CIITA: variants seen among roughly 807,000 people sequenced by gnomAD.
CIITA encodes class II major histocompatibility complex transactivator.
Under a neutral mutation model 115.1 loss-of-function variants are expected in CIITA, and 72 were observed. That is an observed-to-expected ratio of 0.63 (90% CI 0.52 to 0.76). CIITA has a LOEUF of 0.76. Among genes scored for constraint, CIITA ranks in the 30% least tolerant of loss-of-function variants. The pLI is 0.00. For synonymous variants in CIITA, 763 were observed against 635.6 expected, an observed-to-expected ratio of 1.20 and a Z score of -3.02; for missense variants, 1,617 against 1,463.8, an observed-to-expected ratio of 1.10 and a Z score of -1.71.
chr16:10,909,362 G>C (rs942728946), intron 12 of CIITA, among the ~76,000 whole-genome samples, 175 bp downstream of exon 12: 1 of 152,246 alleles, frequency 6.6e-6, no homozygotes, highest in East Asian at 1.9e-4. Context: ...TGCCCAGGCG[G>C]AGCCTCTAGA....
At chr16:10,904,454 C>G (rs1316792364) in intron 9 of CIITA, among the ~76,000 whole-genome samples, 4 of 152,180 alleles carry the variant, frequency 2.6e-5, no homozygotes, top group Non-Finnish European at 5.9e-5. Context: ...CTCCTGATCT[C>G]AAGTGATCCA....
Position 10,886,230 on chromosome 16 carries a change from G to A in CIITA, c.52+8848G>A, listed in dbSNP as rs145695181. 9.2e-5 allele frequency among the ~76,000 whole-genome samples: 14 copies of A among 152,118 alleles called. No individual in the cohort carries two copies. In the East Asian group the frequency reaches 2.3e-3, roughly 25 times the overall value. ...TGGAATTACAGGTGCGAGTCACCAC[G>A]CCTGGCCACAGTTTCTTACTTTTGC... On this transcript the variant is annotated intron_variant, in intron 1 of 19. Transcript: ENST00000324288.
At position 10,929,401 on chromosome 16, in the gene CIITA, C is replaced by T. The variant is rs912401191; in HGVS notation, c.*5546C>T. On this transcript the variant is annotated 3_prime_UTR_variant, in exon 20 of 20. Coordinates refer to ENST00000324288, the MANE Select transcript of CIITA (RefSeq NM_000246.4). The surrounding 1 kb of genome is among the most constrained non-coding windows in gnomAD (Gnocchi z 4.3). Reference sequence around the variant, plus strand: ...AGCCAAGGCCAGGCCATCGATTTGACACTGCAGGCAGATGAGGTCTTGGGA... The same window carrying T: ...AGCCAAGGCCAGGCCATCGATTTGATACTGCAGGCAGATGAGGTCTTGGGA... 1.5e-5 allele frequency: 15 copies of T among 985,908 alleles called. No homozygotes were observed. The highest frequency in any genetic ancestry group is 1.8e-5 in the Non-Finnish European group (15 of 829,956). 61.1% of individuals were successfully genotyped at this position (985,908 alleles called of 1,614,324 possible).
intron 1 of CIITA, among the ~76,000 whole-genome samples, chr16:10,893,874 T>C (rs1317863231): frequency 1.4e-5 from 2 of 146,496 alleles, no homozygotes; most frequent in African/African-American, 2.5e-5. Flanking sequence ...CAGAGAGTTG[T>C]GTGACCATCT....
chr16:10,916,643 C>T (rs562675273), intron 15 of CIITA, 184 bp downstream of exon 15: 6 of 638,826 alleles, frequency 9.4e-6, no homozygotes, highest in Middle Eastern at 4.1e-4. Context: ...TCCTCACCTC[C>T]GCTTCCCAAA....
In CIITA at chr16:10,906,972, G is replaced by A. The variant is rs150888938; in HGVS notation, c.1480G>A (p.Val494Ile). The A allele has an allele frequency of 1.2e-5, 20 of 1,612,214 alleles. No homozygotes were observed. The highest frequency in any genetic ancestry group is 1.2e-4 in the African/African-American group (9 of 74,908). ...CCACATCTTGAAGAGACCTGACCGC[G>A]TTCTGCTCATCCTAGACGGCTTCGA... ...FSHILKRPDR[V>I]LLILDGFEEL... Residue 494 changes from valine to isoleucine, a missense_variant, in exon 11 of 20, where the codon GTT becomes ATT. Coordinates refer to ENST00000324288, the MANE Select transcript of CIITA (RefSeq NM_000246.4).
At chr16:10,866,324 G>C (rs529384624) in intron 1 of CIITA, 2 of 569,836 alleles carry the variant, frequency 3.5e-6, no homozygotes, top group South Asian at 1.4e-5. Context: ...ACTCAGGTGA[G>C]AATGCTGCTC....
In CIITA at chr16:10,877,357, TGGGTCCTA is replaced by T; in HGVS notation, c.28_35del (p.Gly10ProfsTer27). ...TGCGTTGCCTGGCTCCACGCCCTGC[TGGGTCCTA>T]CCTGTCAGAGCCCCAAGGTAAAAAG... On this transcript the variant is annotated frameshift_variant, in exon 1 of 20. Coordinates refer to ENST00000324288, the MANE Select transcript of CIITA (RefSeq NM_000246.4). LOFTEE classifies it high-confidence loss of function. The T allele has an allele frequency of 6.2e-7, 1 of 1,613,412 alleles. No individual in the cohort carries two copies. Among genetic ancestry groups the T allele is most frequent in the Non-Finnish European group, 8.5e-7 (1 of 1,179,650 alleles).
Position 10,910,254 on chromosome 16 carries a change from G to T in CIITA, c.2883G>T (p.Glu961Asp). The T allele has an allele frequency of 6.2e-7, 1 of 1,613,952 alleles. No individual in the cohort carries two copies. The highest frequency in any genetic ancestry group is 8.5e-7 in the Non-Finnish European group (1 of 1,179,894). ...CTGTTCGGGACCTAAAGAAACTGGA[G>T]TTTGCGTAAGCAAAGGGGTGGATTG... ...LPAVRDLKKL[E>D]FALGPVSGPQ... The change falls in exon 13 of 20, where the codon GAG (glutamate) becomes GAT (aspartate). Residue 961 changes from glutamate (E) to aspartate (D), a missense_variant. Transcript: ENST00000324288.
chr16:10,892,444 C>T (rs1327208375), intron 1 of CIITA, among the ~76,000 whole-genome samples: 1 of 152,166 alleles, frequency 6.6e-6, no homozygotes, highest in Non-Finnish European at 1.5e-5. Context: ...CAGTAGGAGC[C>T]TCCCTCTGGT....
At chr16:10,874,319 G>A (rs1401901155), upstream of CIITA, among the ~76,000 whole-genome samples, 1 of 152,182 alleles carries the variant, frequency 6.6e-6, no homozygotes, top group African/African-American at 2.4e-5. Flanking sequence ...CAAGGATGCA[G>A]GTGTTTCAAC....
intron 1 of CIITA, among the ~76,000 whole-genome samples, chr16:10,883,817 T>C (rs918254507): frequency 2.0e-5 from 3 of 152,152 alleles, no homozygotes; most frequent in African/African-American, 7.2e-5. Context: ...TGAGGTGCAA[T>C]GCAGTCACAA....
At chr16:10,870,169 C>CAAAAA (rs34256366) in intron 1 of CIITA, among the ~76,000 whole-genome samples, 4 of 46,246 alleles carry the variant, frequency 8.6e-5, no homozygotes, top group African/African-American at 3.2e-4. Context: ...GTACTTCCTG[C>CAAAAA]AAAAAAAAAA....
At chr16:10,874,140 C>T (rs1220767563), upstream of CIITA, among the ~76,000 whole-genome samples, 2 of 152,036 alleles carry the variant, frequency 1.3e-5, no homozygotes, top group East Asian at 3.9e-4. Flanking sequence ...TGCACCACCA[C>T]ACCTGGATAA....
intron 9 of CIITA, among the ~76,000 whole-genome samples, chr16:10,904,109 A>G (rs1356050780): frequency 6.6e-6 from 1 of 152,226 alleles, no homozygotes; most frequent in African/African-American, 2.4e-5. Flanking sequence ...AAATACAGCC[A>G]TCAGCCTTCA....
chr16:10,921,433 A>G (rs1016966429), intron 16 of CIITA, among the ~76,000 whole-genome samples: 2 of 152,180 alleles, frequency 1.3e-5, no homozygotes, highest in Non-Finnish European at 2.9e-5. Flanking sequence ...ATGTTAACTC[A>G]TGCGACCCTC....
Position 10,900,680 on chromosome 16 carries a change from C to G in CIITA, c.437-834C>G, listed in dbSNP as rs368857894. On this transcript the variant is annotated intron_variant, in intron 5 of 19. Transcript: ENST00000324288. Reference sequence around the variant, plus strand: ...GCTTGAACCTAAGAAGCAGAGGTTGCAGTGAGCCAAGATTGCGCCAGTGCA... The same window carrying G: ...GCTTGAACCTAAGAAGCAGAGGTTGGAGTGAGCCAAGATTGCGCCAGTGCA... Among the ~76,000 whole-genome samples the G allele has an allele frequency of 1.9e-4, 29 of 151,060 alleles. 1 individual carries two copies. The highest frequency in any genetic ancestry group is 1.3e-3 in the Admixed American group (20 of 15,130).
At chr16:10,885,737 G>A (rs978351530) in intron 1 of CIITA, among the ~76,000 whole-genome samples, 1 of 152,188 alleles carries the variant, frequency 6.6e-6, no homozygotes, top group African/African-American at 2.4e-5. Flanking sequence ...CAGACAGCCT[G>A]TGGGGTGGCA....
At chr16:10,893,221 G>A (rs1163362410) in intron 1 of CIITA, among the ~76,000 whole-genome samples, 1 of 152,176 alleles carries the variant, frequency 6.6e-6, no homozygotes, top group African/African-American at 2.4e-5. Flanking sequence ...CTGGCCTCCA[G>A]AACCATGAGA....
Sources: gnomAD v4.1 joint callset for allele counts (sites outside exome capture counted in the v4.1 genomes callset) on GRCh38, gnomAD v4.1.1 for gene constraint, Gnocchi (gnomAD v3.1) non-coding constraint, MANE v1.5 for transcripts, NCBI Gene and HGNC (gene_info 2026-07-23, HGNC 2026-07-21) for gene names.